Variants in PRKAR1A observed in about 807,000 individuals in gnomAD.
The protein encoded by PRKAR1A is cAMP-dependent protein kinase type I-alpha regulatory subunit.
In PRKAR1A, 3 loss-of-function variants were observed where a neutral mutation model predicts 52.0. That is an observed-to-expected ratio of 0.06 (90% CI 0.03 to 0.15). The LOEUF is 0.15. Among genes scored for constraint, PRKAR1A ranks in the 10% least tolerant of loss-of-function variants. The probability of loss-of-function intolerance (pLI) is 1.00; values close to 1 mark genes in which losing one functional copy is unlikely to be tolerated. For missense variants in PRKAR1A, 240 were observed against 477.4 expected (o/e 0.50, Z 4.63); for synonymous variants, 188 against 168.4 (o/e 1.12, Z -0.90).
the PRKAR1A span, among the ~76,000 whole-genome samples, chr17:68,466,788 T>G: frequency 6.6e-6 from 1 of 152,164 alleles, no homozygotes; most frequent in African/African-American, 2.4e-5. Context: ...TACATACAGT[T>G]AACCATTTTT....
chr17:68,541,195 CTG>C (rs1304855749), intron 11 of PRKAR1A: 1 of 530,470 alleles, frequency 1.9e-6, no homozygotes, highest in Non-Finnish European at 3.3e-6. Flanking sequence ...GGTTGGGATA[CTG>C]TGTGCCAGAG....
the PRKAR1A span, among the ~76,000 whole-genome samples, chr17:68,504,166 A>G: frequency 6.6e-6 from 1 of 152,192 alleles, no homozygotes; most frequent in African/African-American, 2.4e-5. Context: ...ATGAGTGGAT[A>G]CAGAAATGTG....
At chr17:68,540,020 T>C in intron 11 of PRKAR1A, 2 of 1,486,518 alleles carry the variant, frequency 1.3e-6, no homozygotes, top group Non-Finnish European at 1.9e-6. Context: ...GGACAGGTGC[T>C]CCTGACCTGA....
chr17:68,491,790 A>C, the PRKAR1A span, among the ~76,000 whole-genome samples: 531 of 150,114 alleles, frequency 3.5e-3, 4 homozygotes, highest in African/African-American at 0.011. Context: ...CTAACGCACA[A>C]AAAAAAAAAG....
Position 68,530,553 on chromosome 17 carries a change from C to A in PRKAR1A, c.*104C>A. ...TGCAGCGCCAAGTGGCCACTGGCATCGCAGCTTCCTGTCTGTTTATATATT... is the reference window on the plus strand; with the variant it reads ...TGCAGCGCCAAGTGGCCACTGGCATAGCAGCTTCCTGTCTGTTTATATATT... On this transcript the variant is annotated 3_prime_UTR_variant, in exon 11 of 11. Transcript: ENST00000589228. The A allele has an allele frequency of 6.2e-7, 1 of 1,601,976 alleles. No homozygotes were observed. Among genetic ancestry groups the A allele is most frequent in the Non-Finnish European group, 8.5e-7 (1 of 1,174,666 alleles).
chr17:68,486,557 CTTT>C, the PRKAR1A span, among the ~76,000 whole-genome samples: 1 of 125,910 alleles, frequency 7.9e-6, no homozygotes, highest in Non-Finnish European at 1.6e-5. Flanking sequence ...TTCTTTCTTT[CTTT>C]CTTTCTTTCT....
Position 68,539,870 on chromosome 17 carries a change from C to T in PRKAR1A, c.973+9869C>T. 1.2e-6 allele frequency: 2 copies of T among 1,612,930 alleles called. No homozygotes were observed. The highest frequency in any genetic ancestry group is 1.7e-6 in the Non-Finnish European group (2 of 1,178,990). ...CTGGGAGAGGGGATTGTTGAACACACGTGGGGAAGCTCACCCTCTGGCGTT... is the reference window on the plus strand; with the variant it reads ...CTGGGAGAGGGGATTGTTGAACACATGTGGGGAAGCTCACCCTCTGGCGTT... On this transcript the variant is annotated intron_variant, in intron 11 of 11. Transcript: ENST00000585981.
chr17:68,462,603 C>A, the PRKAR1A span, among the ~76,000 whole-genome samples: 1 of 152,172 alleles, frequency 6.6e-6, no homozygotes, highest in African/African-American at 2.4e-5. Context: ...GCTGCATATG[C>A]CAAAGTGGAG....
chr17:68,436,557 A>C, the PRKAR1A span: 2 of 1,373,820 alleles, frequency 1.5e-6, no homozygotes, highest in Non-Finnish European at 2.1e-6. Context: ...ATCTGAAAAC[A>C]GTACAGCTAC....
intron 2 of PRKAR1A, among the ~76,000 whole-genome samples, chr17:68,521,892 A>G (rs1387383454): frequency 4.6e-5 from 7 of 152,256 alleles, no homozygotes; most frequent in Non-Finnish European, 8.8e-5. Context: ...AGGCACAACA[A>G]CTAATTCTTT....
chr17:68,475,342 C>G, the PRKAR1A span, among the ~76,000 whole-genome samples: 2 of 152,224 alleles, frequency 1.3e-5, no homozygotes, highest in Non-Finnish European at 2.9e-5. Flanking sequence ...GTCAATACAA[C>G]CCCTTGTGTA....
chr17:68,486,469 CTCTCCTTCCT>C, the PRKAR1A span, among the ~76,000 whole-genome samples: 522 of 102,292 alleles, frequency 5.1e-3, 16 homozygotes, highest in Admixed American at 0.018. Flanking sequence ...TTCTTTCTTT[CTCTCCTTCCT>C]TCCTTCCTTC....
the PRKAR1A span, chr17:68,450,970 G>A: frequency 3.3e-6 from 5 of 1,537,944 alleles, no homozygotes; most frequent in East Asian, 2.3e-5. Flanking sequence ...CCATGACACT[G>A]GGCCCGGCGC....
chr17:68,539,452 G>T, intron 11 of PRKAR1A: 1 of 1,493,258 alleles, frequency 6.7e-7, no homozygotes, highest in Non-Finnish European at 9.3e-7. Context: ...GCATTCCCCT[G>T]AGGCTTCCTC....
At chr17:68,478,856 T>A in the PRKAR1A span, among the ~76,000 whole-genome samples, 1 of 152,054 alleles carries the variant, frequency 6.6e-6, no homozygotes, top group South Asian at 2.1e-4. Context: ...GCCTCCCGAG[T>A]AGCTGGGATT....
chr17:68,418,949 C>T, the PRKAR1A span, among the ~76,000 whole-genome samples: 1 of 151,338 alleles, frequency 6.6e-6, no homozygotes, highest in Non-Finnish European at 1.5e-5. Context: ...GCTTTAATTC[C>T]CTTTGTTTAT....
At chr17:68,420,610 T>A in the PRKAR1A span, 2 of 928,518 alleles carry the variant, frequency 2.2e-6, no homozygotes, top group East Asian at 2.5e-5. Context: ...CCCTTCTGTA[T>A]CCTGTCCCTC....
chr17:68,522,185 T>C (rs1205476740), intron 2 of PRKAR1A, among the ~76,000 whole-genome samples: 3 of 152,214 alleles, frequency 2.0e-5, no homozygotes. Flanking sequence ...TTCCACAGGC[T>C]CAGGACCCTC....
chr17:68,469,198 A>G, the PRKAR1A span, among the ~76,000 whole-genome samples: 2 of 151,728 alleles, frequency 1.3e-5, no homozygotes, highest in African/African-American at 4.8e-5. Context: ...CATTTTAGGC[A>G]CTGTCTATTT....
Sources: gnomAD v4.1 joint callset for allele counts (sites outside exome capture counted in the v4.1 genomes callset) on GRCh38, gnomAD v4.1.1 for gene constraint, MANE v1.5 for transcripts, NCBI Gene and HGNC (gene_info 2026-07-23, HGNC 2026-07-21) for gene names.